The following PANX3 variants were observed in gnomAD, a reference collection of about 807,000 sequenced individuals.
PANX3 encodes pannexin 3.
Under a neutral mutation model 31.5 loss-of-function variants are expected in PANX3, and 18 were observed. That is an observed-to-expected ratio of 0.57 (90% CI 0.39 to 0.85). The LOEUF is 0.85. PANX3 is among the 40% of genes least tolerant of loss of function. The pLI is 0.00. For synonymous variants in PANX3, 194 were observed against 201.6 expected, an observed-to-expected ratio of 0.96 and a Z score of 0.32; for missense variants, 426 against 485.4, an observed-to-expected ratio of 0.88 and a Z score of 1.15.
In PANX3 at chr11:124,619,665, T is replaced by C; in HGVS notation, c.909T>C (p.Ser303=). The change falls in exon 4 of 4, where the codon TCT becomes TCC. Residue 303 remains serine (S), a synonymous_variant. Transcript: ENST00000284288. ...RLCRWDKRLL[S]VYEMLPAFDL... Reference sequence around the variant, plus strand: ...GTCGGTGGGACAAACGACTTTTATCTGTCTATGAGATGCTCCCAGCTTTTG... The same window carrying C: ...GTCGGTGGGACAAACGACTTTTATCCGTCTATGAGATGCTCCCAGCTTTTG... 1.2e-6 allele frequency: 2 copies of C among 1,614,178 alleles called. No individual in the cohort carries two copies. Among genetic ancestry groups the C allele is most frequent in the East Asian group, 2.2e-5 (1 of 44,888 alleles).
Position 124,619,493 on chromosome 11 carries a change from C to T in PANX3, c.737C>T (p.Thr246Ile). 3.7e-6 allele frequency: 6 copies of T among 1,614,222 alleles called. No homozygotes were observed. Among genetic ancestry groups the T allele is most frequent in the Non-Finnish European group, 5.1e-6 (6 of 1,180,032 alleles). Residue 246 changes from threonine (T) to isoleucine (I), a missense_variant, in exon 4 of 4, where the codon ACA becomes ATA. Thr to Ile is a moderately conservative substitution (Grantham distance 89). Coordinates refer to ENST00000284288, the MANE Select transcript of PANX3 (RefSeq NM_052959.3). ...GAAGAATTCAGCTGCTCCATCAAGACAGGGCTGCTAAGTGATGAGACCCAT... is the reference window on the plus strand; with the variant it reads ...GAAGAATTCAGCTGCTCCATCAAGATAGGGCTGCTAAGTGATGAGACCCAT... ...FQEEFSCSIKTGLLSDETHVP... is the reference protein window; with the variant it reads ...FQEEFSCSIKIGLLSDETHVP...
intron 2 of PANX3, among the ~76,000 whole-genome samples, chr11:124,613,939 T>C (rs1863122213): frequency 1.3e-5 from 2 of 152,220 alleles, no homozygotes; most frequent in South Asian, 2.1e-4. Context: ...TCTTTGGCCT[T>C]ATAAAAATAT....
Position 124,616,092 on chromosome 11 carries a change from C to T in PANX3, c.325-1182C>T, listed in dbSNP as rs185026956. Among the ~76,000 whole-genome samples the T allele has an allele frequency of 6.6e-6, 1 of 152,252 alleles. No individual in the cohort carries two copies. Among genetic ancestry groups the T allele is most frequent in the African/African-American group, 2.4e-5 (1 of 41,548 alleles). The stretch of plus-strand genomic sequence containing the variant: ...AGGCAAAATAGTTGGCCCAACCCTG[C>T]TAGGTGTGGTAAGTATGATGAGGAA... On this transcript the variant is annotated intron_variant, in intron 2 of 3. Coordinates refer to ENST00000284288, the MANE Select transcript of PANX3 (RefSeq NM_052959.3). The surrounding 1 kb of genome is among the most constrained non-coding windows in gnomAD (Gnocchi z 4.8).
chr11:124,617,458 AC>A lies in PANX3; in HGVS notation c.513del (p.Tyr172MetfsTer21), dbSNP rs1290096070. Reference protein sequence around the residue: ...HMLKIRQKSSDPYVFWNELEK... With the variant: ...HMLKIRQKSSXPYVFWNELEK... ...CTGAAGATCCGGCAGAAGAGTTCCG[AC>A]CCCTATGTGTTCTGGAATGAGCTGG... On this transcript the variant is annotated frameshift_variant, in exon 3 of 4. Coordinates refer to ENST00000284288, the MANE Select transcript of PANX3 (RefSeq NM_052959.3). LOFTEE classifies it high-confidence loss of function. 3.7e-6 allele frequency: 6 copies of A among 1,613,994 alleles called. No homozygotes were observed. In the East Asian group the frequency reaches 1.1e-4, roughly 30 times the overall value.
rs1863191851 is a variant in PANX3, at chr11:124,619,501, C to T, written c.745C>T (p.Leu249=). The T allele has an allele frequency of 6.2e-7, 1 of 1,614,110 alleles. No individual in the cohort carries two copies. Among genetic ancestry groups the T allele is most frequent in the African/African-American group, 1.3e-5 (1 of 74,934 alleles). ...EFSCSIKTGL[L]SDETHVPNLI... ...CAGCTGCTCCATCAAGACAGGGCTG[C>T]TAAGTGATGAGACCCATGTCCCCAA... The change falls in exon 4 of 4, where the codon CTA becomes TTA. Residue 249 remains leucine, a synonymous_variant. Transcript: ENST00000284288.
At chr11:124,615,311 G>A (rs1863140317) in intron 2 of PANX3, among the ~76,000 whole-genome samples, 1 of 151,986 alleles carries the variant, frequency 6.6e-6, no homozygotes, top group South Asian at 2.1e-4. Context: ...TCGATCTCTT[G>A]ACCTTGTGAT....
chr11:124,618,006 G>A (rs1360355672), intron 3 of PANX3, among the ~76,000 whole-genome samples: 1 of 152,188 alleles, frequency 6.6e-6, no homozygotes, highest in Non-Finnish European at 1.5e-5. Context: ...TGGGGGATGG[G>A]GGTAGGAGAG....
chr11:124,614,186 A>AAAAT (rs1401579075), intron 2 of PANX3, among the ~76,000 whole-genome samples: 2 of 150,430 alleles, frequency 1.3e-5, no homozygotes, highest in Non-Finnish European at 2.9e-5. Context: ...AAAAAAAAAA[A>AAAAT]AAAAAGAAAA....
At chr11:124,613,519 C>T (rs76420016) in intron 2 of PANX3, among the ~76,000 whole-genome samples, 1,632 of 152,236 alleles carry the variant, frequency 0.011, 11 homozygotes, top group Middle Eastern at 0.02. Flanking sequence ...TCTAGGAACT[C>T]GGCTGTGGGT....
chr11:124,613,349 G>C (rs569349807), intron 2 of PANX3, among the ~76,000 whole-genome samples: 3 of 152,142 alleles, frequency 2.0e-5, no homozygotes, highest in Admixed American at 6.5e-5. Context: ...GGCAGACTTC[G>C]GTTTAAGGTG....
rs1043416912 is a variant in PANX3 at position 124,611,692 on chromosome 11, C to T, written c.136C>T (p.Pro46Ser). The change falls in exon 1 of 4, where the codon CCC becomes TCC. Residue 46 changes from proline to serine, a missense_variant. Coordinates refer to ENST00000284288, the MANE Select transcript of PANX3 (RefSeq NM_052959.3). Reference protein sequence around the residue: ...RIVKFVAVGSPLLLMSLAFAQ... With the variant: ...RIVKFVAVGSSLLLMSLAFAQ... ...AGTCAAGTTCGTAGCTGTGGGCTCC[C>T]CCTTGTTGCTGATGTCCCTGGCATT... The T allele has an allele frequency of 6.2e-7, 1 of 1,614,036 alleles. No homozygotes were observed. The highest frequency in any genetic ancestry group is 1.3e-5 in the African/African-American group (1 of 74,918).
chr11:124,612,388 T>C (rs2134309224), intron 1 of PANX3, among the ~76,000 whole-genome samples: 1 of 152,368 alleles, frequency 6.6e-6, no homozygotes, highest in East Asian at 1.9e-4. Flanking sequence ...CTGGCTTTCC[T>C]TTCTGGCAGT....
chr11:124,618,023 C>T (rs1445370263), intron 3 of PANX3, among the ~76,000 whole-genome samples: 1 of 152,202 alleles, frequency 6.6e-6, no homozygotes, highest in Non-Finnish European at 1.5e-5. Context: ...AGAGACAAAG[C>T]TGTACCTACC....
rs1863093347 is a variant in PANX3, at chr11:124,611,734, T to G, written c.178T>G (p.Ser60Ala). 1 of 1,613,270 alleles carries G rather than the reference T, an allele frequency of 6.2e-7. No individual in the cohort carries two copies. Among genetic ancestry groups the G allele is most frequent in the South Asian group, 1.1e-5 (1 of 90,968 alleles). The stretch of plus-strand genomic sequence containing the variant: ...CCTGGCATTCGCCCAGGAGTTCTCC[T>G]CTGGTAAGTTGCTTCCAAGACCCAG... ...MSLAFAQEFS[S>A]GSPISCFSPS... Residue 60 changes from serine to alanine, a missense_variant, in exon 1 of 4, where the codon TCT becomes GCT. Coordinates refer to ENST00000284288, the MANE Select transcript of PANX3 (RefSeq NM_052959.3).
In PANX3 at chr11:124,611,628, C is replaced by T; in HGVS notation, c.72C>T (p.Arg24=). 6.2e-7 allele frequency: 1 copy of T among 1,614,166 alleles called. No homozygotes were observed. ...DALLPDRRGP[R]LKGLRLELPL... ...TGCTGCCTGACCGCAGGGGACCCCG[C>T]CTCAAAGGACTGCGTCTGGAACTGC... is the stretch of plus-strand genomic sequence containing the variant. The change falls in exon 1 of 4, where the codon CGC becomes CGT. Residue 24 remains arginine, a synonymous_variant. Coordinates refer to ENST00000284288, the MANE Select transcript of PANX3 (RefSeq NM_052959.3).
Position 124,613,023 on chromosome 11 carries a change from G to T in PANX3, c.225G>T (p.Arg75=), listed in dbSNP as rs757624468. Residue 75 remains arginine (R), a synonymous_variant, in exon 2 of 4, where the codon CGG becomes CGT. Coordinates refer to ENST00000284288, the MANE Select transcript of PANX3 (RefSeq NM_052959.3). ...TCTCTCCCAGTAACTTCAGCATCCG[G>T]CAGGCAGCCTACGTGGACAGCTCCT... ...SCFSPSNFSI[R]QAAYVDSSCW... The T allele has an allele frequency of 1.2e-6, 2 of 1,614,078 alleles. No individual in the cohort carries two copies. The highest frequency in any genetic ancestry group is 2.2e-5 in the South Asian group (2 of 91,062).
chr11:124,614,066 C>T (rs1376443182), intron 2 of PANX3, among the ~76,000 whole-genome samples: 2 of 148,300 alleles, frequency 1.3e-5, no homozygotes, highest in East Asian at 2.0e-4. Context: ...AGTTTCAAGG[C>T]GTCAAATTGC....
intron 3 of PANX3, 31 bp downstream of exon 3, chr11:124,617,519 A>G (rs1434702292): frequency 5.0e-6 from 8 of 1,598,492 alleles, no homozygotes; most frequent in Non-Finnish European, 6.9e-6. Flanking sequence ...TTTTCTGAGA[A>G]ATTCAGTCAA....
At chr11:124,612,942 C>T (rs1863108695) in intron 1 of PANX3, 38 bp from the exon 2 acceptor site, 1 of 1,609,214 alleles carries the variant, frequency 6.2e-7, no homozygotes, top group Non-Finnish European at 8.5e-7. Context: ...CTCCTCCACT[C>T]CAACTCAGGC....
Sources: gnomAD v4.1 joint callset for allele counts (sites outside exome capture counted in the v4.1 genomes callset) on GRCh38, gnomAD v4.1.1 for gene constraint, Gnocchi (gnomAD v3.1) non-coding constraint, MANE v1.5 for transcripts, NCBI Gene and HGNC (gene_info 2026-07-23, HGNC 2026-07-21) for gene names.